B3GALNT2: variants seen among roughly 807,000 people sequenced by gnomAD.
B3GALNT2 encodes the protein beta-1,3-N-acetylgalactosaminyltransferase 2.
A neutral mutation model predicts 61.1 loss-of-function variants in B3GALNT2; 53 were observed. The ratio of observed to expected loss-of-function variants is 0.87; its 90% CI spans 0.70 to 1.09. B3GALNT2 has a LOEUF of 1.09. Ranked by LOEUF, B3GALNT2 falls within the 50% of genes least tolerant of loss-of-function variation. The pLI is 0.00. For synonymous variants in B3GALNT2, 223 were observed against 237.4 expected (o/e 0.94, Z 0.56); for missense variants, 544 against 623.0 (o/e 0.87, Z 1.35).
chr1:235,484,601 A>G, intron 3 of B3GALNT2, 86 bp from the exon 4 acceptor site: 1 of 1,427,078 alleles, frequency 7.0e-7, no homozygotes, highest in Non-Finnish European at 9.2e-7. Context: ...GCTTAATGCC[A>G]AAACCTAGGT....
chr1:235,458,668 AATATCATCAT>A lies in B3GALNT2; in HGVS notation c.950_959del (p.Tyr317LeufsTer18). 6.2e-7 allele frequency: 1 copy of A among 1,613,186 alleles called. No individual in the cohort carries two copies. The highest frequency in any genetic ancestry group is 8.5e-7 in the Non-Finnish European group (1 of 1,179,662). On this transcript the variant is annotated frameshift_variant, in exon 8 of 12. Coordinates refer to ENST00000366600, the MANE Select transcript of B3GALNT2 (RefSeq NM_152490.5). LOFTEE classifies it high-confidence loss of function. ...AAGTGTCGACAACATCCACAAAAAC[AATATCATCAT>A]AGATGCTGCTTTCCTCCTTCAGTAA...
intron 11 of B3GALNT2, chr1:235,452,100 C>G (rs1023237796): frequency 6.6e-6 from 1 of 152,032 alleles, no homozygotes; most frequent in Non-Finnish European, 1.5e-5. Context: ...GCAAGCTCTG[C>G]CCCCCGGGTT....
chr1:235,441,690 C>T, the B3GALNT2 span: 23 of 818,478 alleles, frequency 2.8e-5, no homozygotes, highest in Non-Finnish European at 4.1e-5. Context: ...AAAGGCAGCT[C>T]CATGTGTCCT....
chr1:235,462,750 G>A (rs181385588), intron 7 of B3GALNT2, among the ~76,000 whole-genome samples: 59 of 152,204 alleles, frequency 3.9e-4, no homozygotes, highest in African/African-American at 1.4e-3. Flanking sequence ...CTGTTAACAC[G>A]GCAATACTCC....
At chr1:235,503,045 G>C (rs1685651307) in intron 1 of B3GALNT2, among the ~76,000 whole-genome samples, 1 of 152,214 alleles carries the variant, frequency 6.6e-6, no homozygotes, top group Non-Finnish European at 1.5e-5. Flanking sequence ...AAAAGAGATT[G>C]TTACCAAAAT....
intron 1 of B3GALNT2, among the ~76,000 whole-genome samples, chr1:235,500,002 A>G (rs562523286): frequency 2.0e-5 from 3 of 152,220 alleles, no homozygotes; most frequent in African/African-American, 7.2e-5. Context: ...AGCTAGCCTC[A>G]GGTGAGAATG....
At chr1:235,461,689 G>C (rs538609548) in intron 7 of B3GALNT2, among the ~76,000 whole-genome samples, 13 of 151,888 alleles carry the variant, frequency 8.6e-5, no homozygotes, top group Non-Finnish European at 1.3e-4. Context: ...GCTAATTTTT[G>C]TATTTTTAGT....
intron 1 of B3GALNT2, among the ~76,000 whole-genome samples, chr1:235,501,321 T>A (rs551804009): frequency 6.6e-6 from 1 of 152,180 alleles, no homozygotes; most frequent in Admixed American, 6.5e-5. Context: ...AGGGAACCTA[T>A]CACATTAAAA....
chr1:235,453,460 CT>C (rs1175498989), intron 10 of B3GALNT2, among the ~76,000 whole-genome samples: 154 of 145,054 alleles, frequency 1.1e-3, no homozygotes, highest in Middle Eastern at 3.6e-3. Flanking sequence ...AGGGACTATA[CT>C]TTTTTTTTTT....
intron 9 of B3GALNT2, 92 bp downstream of exon 9, chr1:235,455,467 C>A: frequency 2.2e-6 from 3 of 1,378,506 alleles, no homozygotes; most frequent in South Asian, 1.3e-5. Flanking sequence ...TATATCTCAA[C>A]CACATTTTCA....
chr1:235,458,907 G>T (rs1397584620), intron 7 of B3GALNT2, 121 bp from the exon 8 acceptor site: 2 of 888,804 alleles, frequency 2.3e-6, no homozygotes, highest in African/African-American at 1.7e-5. Context: ...GCAGTTGTTT[G>T]GAACTTTAGG....
At chr1:235,461,672 A>G (rs1464386107) in intron 7 of B3GALNT2, among the ~76,000 whole-genome samples, 1 of 151,852 alleles carries the variant, frequency 6.6e-6, no homozygotes, top group Non-Finnish European at 1.5e-5. Context: ...GTGCGCCACC[A>G]TGCCTAGCTA....
intron 11 of B3GALNT2, among the ~76,000 whole-genome samples, chr1:235,452,735 A>G (rs565050015): frequency 6.6e-6 from 1 of 152,104 alleles, no homozygotes; most frequent in South Asian, 2.1e-4. Flanking sequence ...TAGTTTTTGT[A>G]GAGACGGGGG....
intron 6 of B3GALNT2, among the ~76,000 whole-genome samples, chr1:235,470,021 C>G (rs948587767): frequency 2.0e-5 from 3 of 151,968 alleles, no homozygotes; most frequent in Non-Finnish European, 2.9e-5. Context: ...CCTCAGCCAC[C>G]TGAGTAGCTG....
chr1:235,468,409 A>G (rs927242864), intron 6 of B3GALNT2, among the ~76,000 whole-genome samples: 7 of 145,100 alleles, frequency 4.8e-5, no homozygotes, highest in Non-Finnish European at 9.0e-5. Context: ...AGATCATTTG[A>G]GTCTTTACAT....
intron 2 of B3GALNT2, among the ~76,000 whole-genome samples, chr1:235,494,071 G>A (rs1685198390): frequency 6.6e-6 from 1 of 152,120 alleles, no homozygotes; most frequent in Middle Eastern, 3.2e-3. Flanking sequence ...AGGAAAAAGA[G>A]CATGGCATAT....
At chr1:235,468,265 G>A (rs939482058) in intron 6 of B3GALNT2, among the ~76,000 whole-genome samples, 4 of 152,146 alleles carry the variant, frequency 2.6e-5, no homozygotes, top group Admixed American at 1.3e-4. Context: ...CATTTGTGAT[G>A]AAAATCTTAA....
rs1458331744 is a variant in B3GALNT2 at position 235,458,757 on chromosome 1, A to G, written c.871T>C (p.Ser291Pro). The G allele has an allele frequency of 6.2e-7, 1 of 1,601,414 alleles. No individual in the cohort carries two copies. The highest frequency in any genetic ancestry group is 1.8e-5 in the Admixed American group (1 of 56,748). ...TGATCAATAAGTCTTTGAGGGCGAG[A>G]ATGAAGGTTGTGTAAGAGAGCATCA... Reference protein sequence around the residue: ...EGDALLHNLHSRPQRLIDHIR... With the variant: ...EGDALLHNLHPRPQRLIDHIR... Residue 291 changes from serine (S) to proline (P), a missense_variant, in exon 8 of 12, where the codon TCT (serine) becomes CCT (proline). Ser to Pro is a moderately conservative substitution (Grantham distance 74, BLOSUM62 -1). Coordinates refer to ENST00000366600, the MANE Select transcript of B3GALNT2 (RefSeq NM_152490.5).
intron 3 of B3GALNT2, among the ~76,000 whole-genome samples, chr1:235,486,599 G>A (rs546078524): frequency 8.5e-5 from 13 of 152,144 alleles, no homozygotes; most frequent in African/African-American, 2.9e-4. Context: ...TTGGATCATC[G>A]AAAAGATAAG....
Sources: gnomAD v4.1 joint callset for allele counts (sites outside exome capture counted in the v4.1 genomes callset) on GRCh38, gnomAD v4.1.1 for gene constraint, MANE v1.5 for transcripts, NCBI Gene and HGNC (gene_info 2026-07-23, HGNC 2026-07-21) for gene names.